The following GALK2 variants were observed in gnomAD, a reference collection of about 807,000 sequenced individuals.
GALK2 encodes galactokinase 2, also known as N-acetylgalactosamine kinase.
In GALK2, 36 loss-of-function variants were observed where a neutral mutation model predicts 52.4. The ratio of observed to expected loss-of-function variants is 0.69; its 90% CI spans 0.53 to 0.91. The LOEUF (loss-of-function observed/expected upper bound fraction) is 0.91. GALK2 is among the 40% of genes least tolerant of loss of function. The pLI, the probability that GALK2 is intolerant of heterozygous loss-of-function variation, is 0.00. For synonymous variants in GALK2, 176 were observed against 199.1 expected (o/e 0.88, Z 0.98); for missense variants, 579 against 559.1 (o/e 1.04, Z -0.36).
At chr15:49,169,015 A>G (rs1189903765), upstream of GALK2, 2 of 153,852 alleles carry the variant, frequency 1.3e-5, no homozygotes, top group East Asian at 3.9e-4. Context: ...TTACAGTAAT[A>G]ACCCAACGGG....
chr15:49,304,404 A>G (rs2035372214), intron 8 of GALK2, among the ~76,000 whole-genome samples: 1 of 152,210 alleles, frequency 6.6e-6, no homozygotes, highest in Non-Finnish European at 1.5e-5. Flanking sequence ...ATAAGTCAGC[A>G]AAAGAGTTTG....
chr15:49,194,984 T>C (rs2087088319), intron 1 of GALK2: 2 of 370,582 alleles, frequency 5.4e-6, no homozygotes, highest in Non-Finnish European at 1.1e-5. Flanking sequence ...TTTAGTTGAA[T>C]TTGTAAATTA....
chr15:49,227,597 G>A (rs75105781), intron 3 of GALK2, among the ~76,000 whole-genome samples: 9,182 of 151,500 alleles, frequency 0.061, 554 homozygotes, highest in African/African-American at 0.15. Context: ...ATCCTAGTTT[G>A]TATCTTTTAA....
intron 1 of GALK2, chr15:49,178,652 G>C (rs980691200): frequency 2.3e-5 from 5 of 220,420 alleles, no homozygotes; most frequent in Non-Finnish European, 3.8e-5. Context: ...AGAGCTGTCA[G>C]TACTGCTAGC....
chr15:49,173,320 A>T (rs931657029), intron 1 of GALK2, among the ~76,000 whole-genome samples: 3 of 152,184 alleles, frequency 2.0e-5, no homozygotes, highest in South Asian at 2.1e-4. Context: ...TCAACAATTG[A>T]TGGACATTTG....
chr15:49,326,336 C>T (rs982383328), intron 9 of GALK2, among the ~76,000 whole-genome samples: 6 of 147,684 alleles, frequency 4.1e-5, no homozygotes, highest in African/African-American at 1.5e-4. Flanking sequence ...TCTCGGCTCA[C>T]TGCAACCTCC....
intron 2 of GALK2, among the ~76,000 whole-genome samples, chr15:49,203,469 A>T (rs879580768): frequency 6.6e-6 from 1 of 152,128 alleles, no homozygotes; most frequent in Non-Finnish European, 1.5e-5. Flanking sequence ...ATCCCTTTCA[A>T]CAGGTTGTCT....
chr15:49,278,744 C>G (rs1403182835), intron 5 of GALK2, among the ~76,000 whole-genome samples: 1 of 152,220 alleles, frequency 6.6e-6, no homozygotes, highest in South Asian at 2.1e-4. Context: ...TAAACCCACT[C>G]AGTTTCCTAA....
intron 1 of GALK2, among the ~76,000 whole-genome samples, chr15:49,192,421 T>C (rs1180091269): frequency 2.0e-5 from 3 of 147,702 alleles, no homozygotes; most frequent in African/African-American, 5.0e-5. Flanking sequence ...TATGTAAGAG[T>C]GTTTAGATTG....
At chr15:49,307,024 G>A (rs2035599274) in intron 8 of GALK2, among the ~76,000 whole-genome samples, 1 of 152,174 alleles carries the variant, frequency 6.6e-6, no homozygotes, top group South Asian at 2.1e-4. Context: ...ACTATAATTA[G>A]AAAGGAACAC....
At chr15:49,262,254 T>C (rs1183318172) in intron 5 of GALK2, among the ~76,000 whole-genome samples, 1 of 152,206 alleles carries the variant, frequency 6.6e-6, no homozygotes, top group Non-Finnish European at 1.5e-5. Context: ...GAGCCTGTTA[T>C]TGGTCTTTTC....
chr15:49,290,084 C>T (rs755121635), intron 7 of GALK2, among the ~76,000 whole-genome samples: 8 of 152,196 alleles, frequency 5.3e-5, no homozygotes, highest in Non-Finnish European at 8.8e-5. Flanking sequence ...TAACCTATAG[C>T]CCTGACTTAT....
At chr15:49,250,101 T>C (rs1025459642) in intron 5 of GALK2, among the ~76,000 whole-genome samples, 10 of 152,210 alleles carry the variant, frequency 6.6e-5, no homozygotes, top group Non-Finnish European at 2.9e-5. Flanking sequence ...GTAAAACTGC[T>C]GGCGAGTGTA....
intron 1 of GALK2, among the ~76,000 whole-genome samples, chr15:49,170,887 T>G (rs2085031487): frequency 6.6e-6 from 1 of 152,086 alleles, no homozygotes; most frequent in African/African-American, 2.4e-5. Flanking sequence ...AACTAATAGT[T>G]TAGTGATGTC....
intron 2 of GALK2, among the ~76,000 whole-genome samples, chr15:49,203,017 T>C (rs2087919738): frequency 6.6e-6 from 1 of 152,160 alleles, no homozygotes; most frequent in Non-Finnish European, 1.5e-5. Context: ...AATGTCTATT[T>C]AGATCATTTG....
chr15:49,357,359 G>C lies in GALK2; in HGVS notation c.427-10132G>C, dbSNP rs1317440460. Among the ~76,000 whole-genome samples the C allele has an allele frequency of 3.3e-5, 5 of 149,638 alleles. No homozygotes were observed. The East Asian group carries it at 5.9e-4, about 18-fold the overall frequency. On this transcript the variant is annotated intron_variant, in intron 3 of 3. Transcript: ENST00000558399. The stretch of plus-strand genomic sequence containing the variant: ...CTAGCAAGACTAATAAAGAAAAAAA[G>C]AGAGAAGAATCAAATAGACGCAATA...
chr15:49,189,354 A>C (rs1452159101), intron 1 of GALK2, among the ~76,000 whole-genome samples: 1 of 152,190 alleles, frequency 6.6e-6, no homozygotes, highest in Non-Finnish European at 1.5e-5. Context: ...TACAGACCTG[A>C]AGTGTTACCA....
chr15:49,189,001 G>A (rs572864374), intron 1 of GALK2, among the ~76,000 whole-genome samples: 2 of 152,158 alleles, frequency 1.3e-5, no homozygotes, highest in African/African-American at 2.4e-5. Context: ...TCTTGTAAGG[G>A]TTAAAACAGA....
chr15:49,203,765 C>T (rs532737618), intron 2 of GALK2, among the ~76,000 whole-genome samples: 2 of 152,138 alleles, frequency 1.3e-5, no homozygotes, highest in Non-Finnish European at 2.9e-5. Context: ...TTTTCCATCA[C>T]CATTTATTAA....
Sources: gnomAD v4.1 joint callset for allele counts (sites outside exome capture counted in the v4.1 genomes callset) on GRCh38, gnomAD v4.1.1 for gene constraint, MANE v1.5 for transcripts, NCBI Gene and HGNC (gene_info 2026-07-23, HGNC 2026-07-21) for gene names.